Variants in ACSM2B observed in about 807,000 individuals in gnomAD.
ACSM2B encodes acyl-CoA synthetase medium chain family member 2B, also known as acyl-coenzyme A synthetase ACSM2B, mitochondrial.
Under a neutral mutation model 78.6 loss-of-function variants are expected in ACSM2B, and 58 were observed. The observed-to-expected ratio is 0.74, with a 90% CI of 0.60 to 0.92. ACSM2B has a LOEUF of 0.92. Ranked by LOEUF, ACSM2B falls within the 40% of genes least tolerant of loss-of-function variation. The pLI is 0.00. For synonymous variants in ACSM2B, 257 were observed against 256.8 expected (o/e 1.00, Z -0.01); for missense variants, 688 against 711.2 (o/e 0.97, Z 0.37).
intron 12 of ACSM2B, chr16:20,541,150 G>T: frequency 1.2e-5 from 2 of 165,060 alleles, no homozygotes; most frequent in Non-Finnish European, 1.3e-5. Flanking sequence ...GGATAAAATA[G>T]CCAAATTCAA....
At position 20,540,472 on chromosome 16, in the gene ACSM2B, C is replaced by A. The variant is rs540761179; in HGVS notation, c.1629+182G>T. Reference sequence around the variant, plus strand: ...TGGCCAGGCTGGTCTTGAACTCCTGCCCTCAGGTGATCCACCCGCCTTGGC... The same window carrying A: ...TGGCCAGGCTGGTCTTGAACTCCTGACCTCAGGTGATCCACCCGCCTTGGC... On this transcript the variant is annotated intron_variant, in intron 13 of 13. Transcript: ENST00000329697. 5.9e-5 allele frequency among the ~76,000 whole-genome samples: 9 copies of A among 152,160 alleles called. No homozygotes were observed. The East Asian group carries it at 1.7e-3, about 29-fold the overall frequency.
chr16:20,538,422 T>A (rs567132581), intron 13 of ACSM2B, among the ~76,000 whole-genome samples: 2 of 152,196 alleles, frequency 1.3e-5, no homozygotes, highest in Non-Finnish European at 2.9e-5. Flanking sequence ...AGTTGCAACA[T>A]AGACCACATA....
chr16:20,547,792 C>A, intron 8 of ACSM2B: 7 of 1,019,770 alleles, frequency 6.9e-6, no homozygotes, highest in Non-Finnish European at 9.0e-6. Flanking sequence ...TTTTCCATCG[C>A]ATTTCTCACC....
chr16:20,563,719 C>CA (rs2015735852), intron 2 of ACSM2B, among the ~76,000 whole-genome samples: 1 of 151,598 alleles, frequency 6.6e-6, no homozygotes, highest in Admixed American at 6.6e-5. Context: ...TTGCAATCTC[C>CA]ACACTAAGAC....
chr16:20,555,390 C>A lies in ACSM2B; in HGVS notation c.475G>T (p.Ala159Ser), dbSNP rs1404428341. 51 of 1,613,828 alleles carry A rather than the reference C, an allele frequency of 3.2e-5. No individual in the cohort carries two copies. The highest frequency in any genetic ancestry group is 9.9e-5 in the South Asian group (9 of 91,074). ...ACTTCTTGGATGACTTCATCCCCAG[C>A]AACAATAGCCTTGGCCTTAGACATC... ...LQMSKAKAIV[A>S]GDEVIQEVDT... The change falls in exon 4 of 14, where the codon GCT becomes TCT. Residue 159 changes from alanine to serine, a missense_variant. Physicochemically the swap from Ala to Ser is moderately conservative, Grantham distance 99 (BLOSUM62 1). Transcript: ENST00000329697.
intron 1 of ACSM2B, among the ~76,000 whole-genome samples, chr16:20,566,668 A>ACTATATATACTATAT (rs1567218198): frequency 2.5e-5 from 1 of 40,462 alleles, no homozygotes; most frequent in African/African-American, 1.8e-4. Context: ...ATGTATATAT[A>ACTATATATACTATAT]GTATATACAT....
chr16:20,545,164 C>G lies in ACSM2B; in HGVS notation c.1274G>C (p.Gly425Ala), dbSNP rs747215255. The change falls in exon 10 of 14, where the codon GGC (glycine) becomes GCC (alanine). Residue 425 changes from glycine to alanine, a missense_variant. Coordinates refer to ENST00000329697, the MANE Select transcript of ACSM2B (RefSeq NM_001105069.2). ...KPIRPIGIFS[G>A]YVENPDKTAA... ...AGAAGCACAGTTTCTCACCACATAG[C>G]CAGAGAAGATGCCTATAGGCCTGAT... 1 of 1,612,492 alleles carries G rather than the reference C, an allele frequency of 6.2e-7. No homozygotes were observed. Among genetic ancestry groups the G allele is most frequent in the Admixed American group, 1.7e-5 (1 of 59,958 alleles).
chr16:20,542,482 A>G (rs2015022248), intron 12 of ACSM2B: 2 of 181,252 alleles, frequency 1.1e-5, no homozygotes, highest in African/African-American at 4.7e-5. Context: ...TATATACCAC[A>G]TATTATTTAT....
intron 1 of ACSM2B, among the ~76,000 whole-genome samples, chr16:20,570,254 G>C (rs1467788411): frequency 6.6e-6 from 1 of 151,806 alleles, no homozygotes; most frequent in Non-Finnish European, 1.5e-5. Context: ...ATTTTGCTGA[G>C]GGTTTTAATC....
intron 3 of ACSM2B, among the ~76,000 whole-genome samples, chr16:20,556,642 A>G (rs1334676983): frequency 6.6e-6 from 1 of 152,158 alleles, no homozygotes; most frequent in African/African-American, 2.4e-5. Flanking sequence ...ATAACTACAC[A>G]GGTTTCATTA....
Position 20,552,177 on chromosome 16 carries a change from G to T in ACSM2B, c.861C>A (p.Leu287=), listed in dbSNP as rs1391678620. ...TAACCAGTGGGTCAAACTTTGGCAA[G>T]AGATGAACAAATGTGCATGCTCCTA... ...WTLGACTFVH[L]LPKFDPLVIL... Residue 287 remains leucine, a synonymous_variant, in exon 6 of 14, where the codon CTC becomes CTA. Coordinates refer to ENST00000329697, the MANE Select transcript of ACSM2B (RefSeq NM_001105069.2). 2 of 1,613,616 alleles carry T rather than the reference G, an allele frequency of 1.2e-6. No individual in the cohort carries two copies. Among genetic ancestry groups the T allele is most frequent in the Non-Finnish European group, 1.7e-6 (2 of 1,179,712 alleles).
In ACSM2B at chr16:20,566,286, G is replaced by T. The variant is rs865930400; in HGVS notation, c.-8-1433C>A. On this transcript the variant is annotated intron_variant, in intron 1 of 13. Coordinates refer to ENST00000329697, the MANE Select transcript of ACSM2B (RefSeq NM_001105069.2). ...ATATATATATATATATATATATATA[G>T]ACAGATATATAGATATATAAATATA... 7.1e-3 allele frequency among the ~76,000 whole-genome samples: 473 copies of T among 66,548 alleles called. 1 individual carries two copies. The highest frequency in any genetic ancestry group is 0.021 in the South Asian group (44 of 2,100). 43.7% of individuals were successfully genotyped at this position (66,548 alleles called of 152,430 possible). A position where few individuals can be genotyped will look rare whatever the true frequency, so the allele number is the denominator to read the frequency against.
chr16:20,555,614 A>G (rs2015450796), intron 3 of ACSM2B, 138 bp from the exon 4 acceptor site: 2 of 1,472,456 alleles, frequency 1.4e-6, no homozygotes, highest in Non-Finnish European at 9.0e-7. Flanking sequence ...ACGTCAATAA[A>G]AAAGGGGACT....
intron 6 of ACSM2B, among the ~76,000 whole-genome samples, chr16:20,549,056 G>A (rs1205000392): frequency 1.3e-5 from 2 of 152,136 alleles, no homozygotes; most frequent in East Asian, 3.8e-4. Flanking sequence ...ATAACCTCAT[G>A]GAGTGTGCGC....
intron 4 of ACSM2B, among the ~76,000 whole-genome samples, chr16:20,554,339 C>A (rs1436452369): frequency 6.6e-6 from 1 of 152,268 alleles, no homozygotes; most frequent in East Asian, 1.9e-4. Context: ...GGAATTAATA[C>A]GAGTTTTCCA....
Position 20,553,781 on chromosome 16 carries a change from C to T in ACSM2B, c.736G>A (p.Ala246Thr), listed in dbSNP as rs946120902. 1 of 1,605,304 alleles carries T rather than the reference C, an allele frequency of 6.2e-7. No individual in the cohort carries two copies. The highest frequency in any genetic ancestry group is 8.5e-7 in the Non-Finnish European group (1 of 1,173,330). Residue 246 changes from alanine to threonine, a missense_variant, in exon 5 of 14, where the codon GCT (alanine) becomes ACT (threonine). Physicochemically the swap from Ala to Thr is moderately conservative, Grantham distance 58. Coordinates refer to ENST00000329697, the MANE Select transcript of ACSM2B (RefSeq NM_001105069.2). Reference protein sequence around the residue: ...SSLGLKAKMDAGWTGLQASDI... With the variant: ...SSLGLKAKMDTGWTGLQASDI... ...GAGAGAAAGAGCTCAGCTTACCCAG[C>T]ATCCATCTTGGCCTTGAGGCCCAGG... is the stretch of plus-strand genomic sequence containing the variant.
intron 1 of ACSM2B, among the ~76,000 whole-genome samples, chr16:20,572,270 T>C (rs2016112422): frequency 6.8e-6 from 1 of 146,854 alleles, no homozygotes; most frequent in African/African-American, 2.6e-5. Flanking sequence ...GTGCTGGCTT[T>C]CTAGTAGTGA....
At chr16:20,548,712 A>G (rs946203743) in intron 6 of ACSM2B, among the ~76,000 whole-genome samples, 1 of 152,108 alleles carries the variant, frequency 6.6e-6, no homozygotes, top group Non-Finnish European at 1.5e-5. Flanking sequence ...CTAATTTGAA[A>G]CATTTTTGTC....
At position 20,542,977 on chromosome 16, in the gene ACSM2B, C is replaced by G. The variant is rs975954600; in HGVS notation, c.1446G>C (p.Leu482=). 6.2e-7 allele frequency: 1 copy of G among 1,613,526 alleles called. No homozygotes were observed. The highest frequency in any genetic ancestry group is 8.5e-7 in the Non-Finnish European group (1 of 1,179,868). The change falls in exon 12 of 14, where the codon CTG becomes CTC. Residue 482 remains leucine (L), a synonymous_variant. Transcript: ENST00000329697. The part of the protein sequence containing the change: ...RIGPSEVENA[L]MKHPAVVETA... ...TCTCAACCACAGCAGGGTGCTTCAT[C>G]AGTGCATTCTCTACCTCCGAGGGTC...
Sources: allele counts gnomAD v4.1 joint callset (sites outside exome capture counted in the v4.1 genomes callset), GRCh38; gene constraint gnomAD v4.1.1; transcripts MANE v1.5; gene names NCBI Gene and HGNC (gene_info 2026-07-23, HGNC 2026-07-21).